TMEFF1: variants seen among roughly 807,000 people sequenced by gnomAD.
TMEFF1 encodes tomoregulin-1.
TMEFF1 carries 20 observed loss-of-function variants against 47.5 expected under a neutral mutation model. The ratio of observed to expected loss-of-function variants is 0.42; its 90% CI spans 0.30 to 0.61. TMEFF1 has a LOEUF of 0.61. TMEFF1 is among the 20% of genes least tolerant of loss of function. TMEFF1 has a pLI of 0.19. For missense variants in TMEFF1, 411 were observed against 471.1 expected (o/e 0.87, Z 1.18); for synonymous variants, 162 against 166.3 (o/e 0.97, Z 0.20).
At chr9:100,480,256 T>G (rs1359409626) in intron 1 of TMEFF1, among the ~76,000 whole-genome samples, 1 of 152,190 alleles carries the variant, frequency 6.6e-6, no homozygotes, top group South Asian at 2.1e-4. Context: ...TACTAATCAG[T>G]TCCCACAGCA....
chr9:100,506,491 C>T (rs962697241), intron 2 of TMEFF1, among the ~76,000 whole-genome samples: 4 of 151,916 alleles, frequency 2.6e-5, no homozygotes, highest in Non-Finnish European at 4.4e-5. Context: ...TCAGGCCAGG[C>T]GCAGTGGCTT....
At chr9:100,530,051 C>A (rs1838346450) in intron 5 of TMEFF1, among the ~76,000 whole-genome samples, 1 of 151,676 alleles carries the variant, frequency 6.6e-6, no homozygotes, top group Non-Finnish European at 1.5e-5. Flanking sequence ...CCAACGAGAA[C>A]AAAGGCACAA....
intron 5 of TMEFF1, among the ~76,000 whole-genome samples, chr9:100,529,936 A>C (rs1190262082): frequency 1.3e-5 from 2 of 152,170 alleles, no homozygotes. Flanking sequence ...AGGATTAAGA[A>C]TCTCACTCAA....
intron 2 of TMEFF1, among the ~76,000 whole-genome samples, chr9:100,501,433 G>C (rs919616781): frequency 2.6e-5 from 4 of 151,382 alleles, no homozygotes; most frequent in Non-Finnish European, 5.9e-5. Context: ...TTTTTTTTGT[G>C]AATTAATATT....
chr9:100,527,030 C>A (rs1838271950), intron 5 of TMEFF1, among the ~76,000 whole-genome samples: 1 of 148,116 alleles, frequency 6.8e-6, no homozygotes, highest in South Asian at 2.2e-4. Context: ...GTAATTCCAG[C>A]TACTCTGGAG....
At chr9:100,545,614 CTT>C in intron 5 of TMEFF1, among the ~76,000 whole-genome samples, 1 of 152,342 alleles carries the variant, frequency 6.6e-6, no homozygotes, top group South Asian at 2.1e-4. Context: ...CTGCTTGTAA[CTT>C]ATGCAAATTT....
At chr9:100,493,790 G>A (rs758857339) in intron 1 of TMEFF1, among the ~76,000 whole-genome samples, 11 of 152,102 alleles carry the variant, frequency 7.2e-5, no homozygotes, top group Non-Finnish European at 1.2e-4. Context: ...GCCTGGTACT[G>A]TACAGAATAC....
chr9:100,564,429 C>T (rs1431677544), intron 8 of TMEFF1, among the ~76,000 whole-genome samples: 1 of 152,198 alleles, frequency 6.6e-6, no homozygotes, highest in Non-Finnish European at 1.5e-5. Flanking sequence ...GCCAAATTCT[C>T]CCTGATATTG....
intron 8 of TMEFF1, among the ~76,000 whole-genome samples, chr9:100,562,630 G>GT (rs1460535824): frequency 1.8e-3 from 251 of 142,448 alleles, no homozygotes; most frequent in South Asian, 0.014. Context: ...TTTTTTTTTT[G>GT]TTTGTTTTGT....
Position 100,547,731 on chromosome 9 carries a change from T to A in TMEFF1, c.561-13T>A. 1 of 1,488,144 alleles carries A rather than the reference T, an allele frequency of 6.7e-7. No individual in the cohort carries two copies. Among genetic ancestry groups the A allele is most frequent in the Non-Finnish European group, 8.9e-7 (1 of 1,117,338 alleles). 92.2% of individuals were successfully genotyped at this position (1,488,144 alleles called of 1,614,324 possible). ...TGTTGTAAAATATAGGTAATTTTTGTCTTTTCCAACAGGTGTGTATGTAAT... is the reference window on the plus strand; with the variant it reads ...TGTTGTAAAATATAGGTAATTTTTGACTTTTCCAACAGGTGTGTATGTAAT... On this transcript the variant is annotated splice_polypyrimidine_tract_variant and intron_variant, in intron 5 of 9. Transcript: ENST00000374879.
At chr9:100,528,305 GACATTCAA>G (rs1195350470) in intron 5 of TMEFF1, among the ~76,000 whole-genome samples, 1 of 150,378 alleles carries the variant, frequency 6.6e-6, no homozygotes, top group Non-Finnish European at 1.5e-5. Flanking sequence ...GCTACGGGAG[GACATTCAA>G]ACCAAAGGCA....
At chr9:100,484,736 C>G (rs1479102371) in intron 1 of TMEFF1, among the ~76,000 whole-genome samples, 1 of 150,646 alleles carries the variant, frequency 6.6e-6, no homozygotes. Context: ...ATCCTCCAGG[C>G]TAGAGGACAG....
chr9:100,502,408 G>A (rs1837779026), intron 2 of TMEFF1, among the ~76,000 whole-genome samples: 3 of 152,058 alleles, frequency 2.0e-5, no homozygotes. Context: ...TGCCTAGGCG[G>A]GAGTGCAGTG....
chr9:100,474,540 A>G (rs950851459), intron 1 of TMEFF1, among the ~76,000 whole-genome samples: 2 of 151,948 alleles, frequency 1.3e-5, no homozygotes, highest in Non-Finnish European at 2.9e-5. Flanking sequence ...AGCGAACCCC[A>G]TTTATGTCTT....
chr9:100,486,210 T>C (rs959194104), intron 1 of TMEFF1, among the ~76,000 whole-genome samples: 1 of 152,212 alleles, frequency 6.6e-6, no homozygotes, highest in Non-Finnish European at 1.5e-5. Context: ...TTCTCTTCTT[T>C]AATCTCAGTG....
intron 8 of TMEFF1, among the ~76,000 whole-genome samples, chr9:100,563,198 G>A (rs745848867): frequency 4.6e-5 from 7 of 152,100 alleles, no homozygotes; most frequent in South Asian, 2.1e-4. Flanking sequence ...TTAAATCTGC[G>A]TGCCTCAGAC....
chr9:100,527,012 A>T (rs1838271182), intron 5 of TMEFF1, among the ~76,000 whole-genome samples: 1 of 149,358 alleles, frequency 6.7e-6, no homozygotes. Flanking sequence ...GCGTGGTGGC[A>T]CATAACTGTA....
At chr9:100,537,443 G>A (rs1259788251) in intron 5 of TMEFF1, among the ~76,000 whole-genome samples, 1 of 152,212 alleles carries the variant, frequency 6.6e-6, no homozygotes, top group Non-Finnish European at 1.5e-5. Context: ...AGAGGCCAGA[G>A]TTAGAGTCAA....
At chr9:100,532,935 G>C (rs965860063) in intron 5 of TMEFF1, among the ~76,000 whole-genome samples, 1 of 152,060 alleles carries the variant, frequency 6.6e-6, no homozygotes, top group African/African-American at 2.4e-5. Context: ...CATGTCCTTT[G>C]TAGGGACATG....
Sources: allele counts gnomAD v4.1 joint callset (sites outside exome capture counted in the v4.1 genomes callset), GRCh38; gene constraint gnomAD v4.1.1; transcripts MANE v1.5; gene names NCBI Gene and HGNC (gene_info 2026-07-23, HGNC 2026-07-21).